Variants in C10orf67 observed in about 807,000 individuals in gnomAD.
C10orf67 encodes uncharacterized protein C10orf67, mitochondrial.
In C10orf67, 60 loss-of-function variants were observed where a neutral mutation model predicts 35.6. The ratio of observed to expected loss-of-function variants is 1.68; its 90% CI spans 1.37 to 2.09. The LOEUF (loss-of-function observed/expected upper bound fraction) is 2.09, where lower values mean the gene tolerates loss of function less well. Among genes scored for constraint, C10orf67 ranks in the 30% most tolerant of loss-of-function variants. The pLI is 0.00. For missense variants in C10orf67, 474 were observed against 330.2 expected (o/e 1.44, Z -3.38); for synonymous variants, 167 against 115.8 (o/e 1.44, Z -2.84).
At chr10:23,313,463 C>A (rs889014896) in intron 4 of C10orf67, among the ~76,000 whole-genome samples, 3 of 152,140 alleles carry the variant, frequency 2.0e-5, no homozygotes, top group Non-Finnish European at 4.4e-5. Context: ...CATATTCAAC[C>A]CTTTATTCAA....
chr10:23,261,072 T>C (rs1355448790), intron 10 of C10orf67, among the ~76,000 whole-genome samples: 1 of 152,214 alleles, frequency 6.6e-6, no homozygotes, highest in Non-Finnish European at 1.5e-5. Context: ...CAAATAAATG[T>C]TCACTGTATA....
At chr10:23,214,880 G>A (rs921648950) in intron 15 of C10orf67, among the ~76,000 whole-genome samples, 1 of 151,978 alleles carries the variant, frequency 6.6e-6, no homozygotes, top group Admixed American at 6.6e-5. Flanking sequence ...AAAATTAGCT[G>A]GGCATGGTGG....
At chr10:23,313,602 G>C (rs1354566718) in intron 4 of C10orf67, among the ~76,000 whole-genome samples, 1 of 152,206 alleles carries the variant, frequency 6.6e-6, no homozygotes. Flanking sequence ...GGGTAAATGT[G>C]ATACAATTCA....
At chr10:23,229,128 T>C (rs1442471455) in intron 13 of C10orf67, among the ~76,000 whole-genome samples, 2 of 152,062 alleles carry the variant, frequency 1.3e-5, no homozygotes, top group Admixed American at 6.6e-5. Flanking sequence ...TAAAGACACA[T>C]GCACACGTAT....
intron 1 of C10orf67, 161 bp downstream of exon 1, chr10:23,344,408 T>C: frequency 1.4e-6 from 1 of 722,770 alleles, no homozygotes; most frequent in Non-Finnish European, 2.3e-6. Flanking sequence ...GCTTTCACTG[T>C]CCCGCCTGCC....
intron 7 of C10orf67, among the ~76,000 whole-genome samples, chr10:23,284,696 C>T (rs1218253744): frequency 1.0e-5 from 1 of 100,342 alleles, no homozygotes; most frequent in African/African-American, 3.5e-5. Context: ...AAAAAACCCC[C>T]AAACAAACAA....
At chr10:23,286,984 A>G (rs1294531566) in intron 7 of C10orf67, among the ~76,000 whole-genome samples, 22 of 152,242 alleles carry the variant, frequency 1.4e-4, no homozygotes, top group Non-Finnish European at 1.5e-5. Context: ...GAGGACACAA[A>G]CAAATGAAAA....
intron 4 of C10orf67, among the ~76,000 whole-genome samples, chr10:23,313,537 T>C (rs962420352): frequency 2.6e-5 from 4 of 152,156 alleles, no homozygotes; most frequent in African/African-American, 9.7e-5. Flanking sequence ...CAAAGATGAG[T>C]AAGACTCGGT....
intron 2 of C10orf67, among the ~76,000 whole-genome samples, chr10:23,328,993 CAAAAAAAAAA>C (rs57772405): frequency 1.3e-5 from 1 of 78,734 alleles, no homozygotes; most frequent in African/African-American, 4.9e-5. Context: ...CATAAACGAA[CAAAAAAAAAA>C]AAAAAAAAAA....
chr10:23,322,588 C>G, intron 2 of C10orf67, 51 bp from the exon 3 acceptor site: 1 of 1,236,856 alleles, frequency 8.1e-7, no homozygotes. Context: ...AACAGAAAAC[C>G]AAATACTGCA....
intron 15 of C10orf67, among the ~76,000 whole-genome samples, chr10:23,207,988 C>G (rs760551052): frequency 6.6e-6 from 1 of 152,210 alleles, no homozygotes; most frequent in Non-Finnish European, 1.5e-5. Context: ...TCCCCACCCC[C>G]CTCTTTATGA....
At chr10:23,232,126 G>A (rs996955824) in intron 13 of C10orf67, among the ~76,000 whole-genome samples, 9 of 152,194 alleles carry the variant, frequency 5.9e-5, no homozygotes, top group East Asian at 1.9e-4. Flanking sequence ...TTGGGAATGC[G>A]GGCATTCGTG....
At chr10:23,341,142 G>A (rs191032059) in intron 1 of C10orf67, among the ~76,000 whole-genome samples, 440 of 152,212 alleles carry the variant, frequency 2.9e-3, no homozygotes, top group African/African-American at 1.0e-2. Flanking sequence ...TCACTTCCTG[G>A]CTGATGTCAC....
rs1842424423 is a variant in C10orf67 at position 23,250,676 on chromosome 10, C to A, written c.1216G>T (p.Gly406Cys). 2.5e-6 allele frequency: 1 copy of A among 398,574 alleles called. No individual in the cohort carries two copies. The highest frequency in any genetic ancestry group is 1.3e-4 in the South Asian group (1 of 7,832). 24.7% of individuals were successfully genotyped at this position (398,574 alleles called of 1,614,324 possible). The stretch of plus-strand genomic sequence containing the variant: ...AATGCTTCTATTTGAGACTCCAAAC[C>A]ATGTTTGTCTTCAACCTTTCAATAG... ...EDQAVVEDKH[G>C]LESQIEALKA... Residue 406 changes from glycine to cysteine, a missense_variant, in exon 11 of 16, where the codon GGT (glycine) becomes TGT (cysteine). Gly to Cys is a radical substitution (Grantham distance 159, BLOSUM62 -3). Transcript: ENST00000636213.
intron 5 of C10orf67, 67 bp from the exon 6 acceptor site, chr10:23,291,346 A>C: frequency 1.5e-6 from 1 of 651,154 alleles, no homozygotes; most frequent in Non-Finnish European, 2.7e-6. Context: ...AGACAAGGAC[A>C]ATACAGATAC....
rs1460815696 is a variant in C10orf67 at position 23,223,786 on chromosome 10, C to G, written c.1467G>C (p.Thr489=). The part of the protein sequence containing the change: ...KVKPLLVQSR[T]TMTAISSSSH... Reference sequence around the variant, plus strand: ...TTGAAGAGGATATAGCTGTCATGGTCGTTCTAGACTGCACTAATAAGGGTT... The same window carrying G: ...TTGAAGAGGATATAGCTGTCATGGTGGTTCTAGACTGCACTAATAAGGGTT... Residue 489 remains threonine, a synonymous_variant, in exon 14 of 16, where the codon ACG becomes ACC. Coordinates refer to ENST00000636213, the MANE Select transcript of C10orf67 (RefSeq NM_001371909.1). 5.6e-6 allele frequency: 4 copies of G among 715,196 alleles called. No individual in the cohort carries two copies. The highest frequency in any genetic ancestry group is 1.0e-5 in the Non-Finnish European group (4 of 384,922). 44.3% of individuals were successfully genotyped at this position (715,196 alleles called of 1,614,324 possible).
At chr10:23,264,252 T>G (rs961106923) in intron 10 of C10orf67, among the ~76,000 whole-genome samples, 2 of 152,188 alleles carry the variant, frequency 1.3e-5, no homozygotes, top group Non-Finnish European at 2.9e-5. Flanking sequence ...AGGGAGCGCT[T>G]AGAACAATAG....
intron 15 of C10orf67, among the ~76,000 whole-genome samples, chr10:23,210,485 T>C (rs1841278982): frequency 6.6e-6 from 1 of 152,132 alleles, no homozygotes; most frequent in Non-Finnish European, 1.5e-5. Context: ...AGTGGTGTGA[T>C]CTTGACTCAC....
rs563942575 is a variant in C10orf67, at chr10:23,287,765, A to C, written c.909+2135T>G. On this transcript the variant is annotated intron_variant, in intron 7 of 15. Transcript: ENST00000636213. Reference sequence around the variant, plus strand: ...CCAGAATCTACAAGGAACTTAATCAAATTTACAAGAAAAAAACAAACAACC... The same window carrying C: ...CCAGAATCTACAAGGAACTTAATCACATTTACAAGAAAAAAACAAACAACC... Among the ~76,000 whole-genome samples the C allele has an allele frequency of 1.0e-3, 155 of 152,352 alleles. 1 individual carries two copies. The highest frequency in any genetic ancestry group is 3.7e-3 in the African/African-American group (153 of 41,582).
Sources: allele counts gnomAD v4.1 joint callset (sites outside exome capture counted in the v4.1 genomes callset), GRCh38; gene constraint gnomAD v4.1.1; transcripts MANE v1.5; gene names NCBI Gene and HGNC (gene_info 2026-07-23, HGNC 2026-07-21).